IPPK: variants seen among roughly 807,000 people sequenced by gnomAD.
IPPK encodes the protein inositol-pentakisphosphate 2-kinase, also known as IPK1 homolog.
IPPK carries 22 observed loss-of-function variants against 64.6 expected under a neutral mutation model. The observed-to-expected ratio is 0.34, with a 90% CI of 0.24 to 0.49. IPPK has a LOEUF of 0.49. Ranked by LOEUF, IPPK falls within the 20% of genes least tolerant of loss-of-function variation. The pLI, the probability that IPPK is intolerant of heterozygous loss-of-function variation, is 0.99. For missense variants in IPPK, 532 were observed against 630.7 expected (o/e 0.84, Z 1.68); for synonymous variants, 262 against 247.2 (o/e 1.06, Z -0.56).
chr9:92,642,796 C>A lies in IPPK; in HGVS notation c.519G>T (p.Lys173Asn), dbSNP rs757483783. The A allele has an allele frequency of 9.9e-6, 16 of 1,614,022 alleles. No homozygotes were observed. The South Asian group carries it at 1.1e-4, about 11-fold the overall frequency. Residue 173 changes from lysine to asparagine, a missense_variant, in exon 7 of 13, where the codon AAG (lysine) becomes AAT (asparagine). By Grantham distance (94) the Lys-to-Asn change is moderately conservative. Coordinates refer to ENST00000287996, the MANE Select transcript of IPPK (RefSeq NM_022755.6). ...MHQHLKVATG[K>N]WKQISKYCPL... ...GACAGTATTTGCTGATCTGCTTCCA[C>A]TTCCCAGTTGCTACCTGTGAAAACA...
intron 4 of IPPK, 125 bp downstream of exon 4, chr9:92,652,448 C>CA (rs376104704): frequency 0.11 from 23,965 of 215,264 alleles, 425 homozygotes; most frequent in African/African-American, 0.18. Flanking sequence ...GACTCCGTCT[C>CA]AAAAAAAAAA....
chr9:92,629,854 G>A (rs183685123), intron 11 of IPPK, among the ~76,000 whole-genome samples: 3 of 152,102 alleles, frequency 2.0e-5, no homozygotes, highest in Non-Finnish European at 2.9e-5. Context: ...GCACACTCTC[G>A]ACGACGGCTA....
intron 9 of IPPK, 111 bp downstream of exon 9, chr9:92,637,890 T>C: frequency 8.3e-7 from 1 of 1,203,126 alleles, no homozygotes; most frequent in East Asian, 2.7e-5. Context: ...CCAGGTGGCA[T>C]CCCCCAGAGC....
At chr9:92,651,935 T>C (rs1172846741) in intron 4 of IPPK, among the ~76,000 whole-genome samples, 5 of 152,182 alleles carry the variant, frequency 3.3e-5, no homozygotes, top group Non-Finnish European at 5.9e-5. Context: ...AGAGAAGGTG[T>C]TTCACCATGT....
intron 8 of IPPK, among the ~76,000 whole-genome samples, chr9:92,640,249 C>T (rs940504780): frequency 2.6e-5 from 4 of 152,106 alleles, no homozygotes; most frequent in African/African-American, 9.7e-5. Context: ...ATCTCATCCC[C>T]TCTCTCCCCA....
intron 6 of IPPK, among the ~76,000 whole-genome samples, chr9:92,645,905 C>G (rs1852141690): frequency 6.6e-6 from 1 of 151,644 alleles, no homozygotes; most frequent in Non-Finnish European, 1.5e-5. Flanking sequence ...GATAGTAACT[C>G]AAATCCACAG....
At chr9:92,640,274 G>A (rs1457536071) in intron 8 of IPPK, among the ~76,000 whole-genome samples, 2 of 151,874 alleles carry the variant, frequency 1.3e-5, no homozygotes, top group South Asian at 2.1e-4. Context: ...CCTCTCCTCC[G>A]CAGATGCCCC....
At chr9:92,650,697 T>C (rs1037686355) in intron 4 of IPPK, among the ~76,000 whole-genome samples, 3 of 152,192 alleles carry the variant, frequency 2.0e-5, no homozygotes, top group African/African-American at 7.2e-5. Context: ...ATGTTGGTCC[T>C]TCTAGCGTAT....
chr9:92,634,558 G>A (rs1188834104), intron 10 of IPPK, 70 bp from the exon 11 acceptor site: 7 of 1,065,496 alleles, frequency 6.6e-6, no homozygotes, highest in Non-Finnish European at 1.0e-5. Context: ...ACTGCTAACA[G>A]TCTACAAAGC....
intron 8 of IPPK, among the ~76,000 whole-genome samples, chr9:92,639,874 G>A (rs963107932): frequency 6.6e-6 from 1 of 151,720 alleles, no homozygotes; most frequent in Non-Finnish European, 1.5e-5. Flanking sequence ...AAGACCTGGG[G>A]AGGCAGGTCA....
chr9:92,644,689 T>C (rs1478860928), intron 6 of IPPK, among the ~76,000 whole-genome samples: 1 of 152,228 alleles, frequency 6.6e-6, no homozygotes, highest in Non-Finnish European at 1.5e-5. Context: ...GCAGACTTTA[T>C]TGGCCACATA....
rs893096997 is a variant in IPPK, at chr9:92,615,623, C to T, written c.*209G>A. The T allele has an allele frequency of 1.6e-5, 9 of 548,618 alleles. No homozygotes were observed. Among genetic ancestry groups the T allele is most frequent in the Admixed American group, 3.1e-5 (1 of 31,782 alleles). The allele number at this position is 548,618 out of a possible 1,614,324, so 34.0% of individuals were successfully genotyped here. The stretch of plus-strand genomic sequence containing the variant: ...CCATTTTAAGAGTGTGAGCAGCTTC[C>T]TGGGACACAGCACTCACTTCCTACA... On this transcript the variant is annotated 3_prime_UTR_variant, in exon 13 of 13. Coordinates refer to ENST00000287996, the MANE Select transcript of IPPK (RefSeq NM_022755.6).
intron 9 of IPPK, among the ~76,000 whole-genome samples, chr9:92,636,274 G>C (rs1199768956): frequency 6.6e-6 from 1 of 152,196 alleles, no homozygotes; most frequent in Non-Finnish European, 1.5e-5. Context: ...AGGAGTAAAA[G>C]TTCACATGCC....
chr9:92,625,457 C>A (rs1398672940), intron 11 of IPPK, among the ~76,000 whole-genome samples: 1 of 152,058 alleles, frequency 6.6e-6, no homozygotes, highest in African/African-American at 2.4e-5. Context: ...TTTTTAATAC[C>A]AACAAATTAA....
Position 92,615,572 on chromosome 9 carries a change from G to A in IPPK, c.*260C>T, listed in dbSNP as rs1851404896. 4.5e-6 allele frequency: 2 copies of A among 442,652 alleles called. No homozygotes were observed. Among genetic ancestry groups the A allele is most frequent in the Non-Finnish European group, 8.3e-6 (2 of 242,188 alleles). 27.4% of individuals were successfully genotyped at this position (442,652 alleles called of 1,614,324 possible). ...TTGGGAAAGAAGAACTATCCAGAAC[G>A]TCTTCCCAGGGCTTAACGGACACTT... is the stretch of plus-strand genomic sequence containing the variant. On this transcript the variant is annotated 3_prime_UTR_variant, in exon 13 of 13. Transcript: ENST00000287996.
At chr9:92,624,981 T>A (rs984404144) in intron 11 of IPPK, among the ~76,000 whole-genome samples, 1 of 151,522 alleles carries the variant, frequency 6.6e-6, no homozygotes, top group Non-Finnish European at 1.5e-5. Flanking sequence ...CAGGACAGAC[T>A]AAACTACAGG....
At chr9:92,643,527 A>ATTCAAGGAAATTGAAT (rs1451549591) in intron 6 of IPPK, among the ~76,000 whole-genome samples, 1 of 152,182 alleles carries the variant, frequency 6.6e-6, no homozygotes, top group African/African-American at 2.4e-5. Context: ...AAAAGTCACC[A>ATTCAAGGAAATTGAAT]AAATTTATTC....
rs1172610479 is a variant in IPPK, at chr9:92,634,290, G to C, written c.1170+96C>G. ...CAAGTTTTCTGCTTTAAACCTCAGG[G>C]GTAGGTAATGGAAAAAAAAATACAA... On this transcript the variant is annotated intron_variant, in intron 11 of 12. Coordinates refer to ENST00000287996, the MANE Select transcript of IPPK (RefSeq NM_022755.6). 1.0e-5 allele frequency: 8 copies of C among 788,306 alleles called. No homozygotes were observed. In the East Asian group the frequency reaches 2.0e-4, roughly 20 times the overall value. 48.8% of individuals were successfully genotyped at this position (788,306 alleles called of 1,614,324 possible). A position where few individuals can be genotyped will look rare whatever the true frequency, so the allele number is the denominator to read the frequency against.
chr9:92,634,443 C>G lies in IPPK; in HGVS notation c.1113G>C (p.Gln371His). 6.2e-7 allele frequency: 1 copy of G among 1,614,140 alleles called. No individual in the cohort carries two copies. The highest frequency in any genetic ancestry group is 8.5e-7 in the Non-Finnish European group (1 of 1,179,982). The change falls in exon 11 of 13, where the codon CAG becomes CAC. Residue 371 changes from glutamine to histidine, a missense_variant. Transcript: ENST00000287996. ...IDGPYDEAFY[Q>H]KLLDLSTEDD... ...CCTCAGTGGAAAGGTCAAGCAGCTT[C>G]TGGTAAAATGCTTCATCATAAGGCC...
Sources: allele counts gnomAD v4.1 joint callset (sites outside exome capture counted in the v4.1 genomes callset), GRCh38; gene constraint gnomAD v4.1.1; transcripts MANE v1.5; gene names NCBI Gene and HGNC (gene_info 2026-07-23, HGNC 2026-07-21).